Variants in SAMSN1 observed in about 807,000 individuals in gnomAD.
The protein encoded by SAMSN1 is SAM domain-containing protein SAMSN-1.
A neutral mutation model predicts 42.0 loss-of-function variants in SAMSN1; 31 were observed. The observed-to-expected ratio is 0.74, with a 90% CI of 0.55 to 1.00. The LOEUF (loss-of-function observed/expected upper bound fraction) is 1.00, where lower values mean the gene tolerates loss of function less well. Ranked by LOEUF, SAMSN1 falls within the 50% of genes least tolerant of loss-of-function variation. SAMSN1 has a pLI of 0.00. For missense variants in SAMSN1, 464 were observed against 439.4 expected (o/e 1.06, Z -0.50); for synonymous variants, 178 against 151.9 (o/e 1.17, Z -1.26).
intron 2 of SAMSN1, among the ~76,000 whole-genome samples, chr21:14,618,962 A>G (rs1285215606): frequency 6.6e-6 from 1 of 152,220 alleles, no homozygotes; most frequent in East Asian, 1.9e-4. Context: ...ATAAAAAATG[A>G]AATGTAGAAA....
intron 1 of SAMSN1, among the ~76,000 whole-genome samples, chr21:14,544,054 T>A (rs577410242): frequency 6.6e-6 from 1 of 152,152 alleles, no homozygotes; most frequent in African/African-American, 2.4e-5. Flanking sequence ...CCTCTGCCAA[T>A]TTTTTTTCTT....
At chr21:14,621,430 C>T (rs940924876) in intron 2 of SAMSN1, among the ~76,000 whole-genome samples, 7 of 152,258 alleles carry the variant, frequency 4.6e-5, no homozygotes, top group Non-Finnish European at 1.0e-4. Context: ...CCTGGAAAAT[C>T]GGGTCACTCC....
At chr21:14,490,615 C>T (rs1168470080) in intron 7 of SAMSN1, among the ~76,000 whole-genome samples, 1 of 152,120 alleles carries the variant, frequency 6.6e-6, no homozygotes, top group Non-Finnish European at 1.5e-5. Flanking sequence ...CTTTAATTCT[C>T]CTAATAACAG....
At position 14,581,344 on chromosome 21, in the gene SAMSN1, C is replaced by CTTTTTTTTTTTTTTTTTTTTTTTTTTT. The variant is rs56728511; in HGVS notation, c.261+765_261+791dup. On this transcript the variant is annotated intron_variant, in intron 2 of 8. Coordinates refer to the SAMSN1 transcript ENST00000285670. The stretch of plus-strand genomic sequence containing the variant: ...TGTAAAATGAGGGGAAATAATATTT[C>CTTTTTTTTTTTTTTTTTTTTTTTTTTT]TTTTTTTTTTTTTTTTTTTTTTTTT... Among the ~76,000 whole-genome samples the CTTTTTTTTTTTTTTTTTTTTTTTTTTT allele has an allele frequency of 1.5e-4, 5 of 32,592 alleles. 2 individuals are homozygous for CTTTTTTTTTTTTTTTTTTTTTTTTTTT. Among genetic ancestry groups the CTTTTTTTTTTTTTTTTTTTTTTTTTTT allele is most frequent in the Middle Eastern group, 0.05 (1 of 20 alleles). The allele number at this position is 32,592 out of a possible 152,430, so 21.4% of individuals were successfully genotyped here.
upstream of SAMSN1, among the ~76,000 whole-genome samples, chr21:14,584,804 A>C (rs1246729809): frequency 2.0e-5 from 3 of 152,222 alleles, no homozygotes. Context: ...TTAATGTTTG[A>C]ATGAGACATA....
intron 2 of SAMSN1, among the ~76,000 whole-genome samples, chr21:14,621,408 C>T (rs375886548): frequency 1.8e-4 from 27 of 152,236 alleles, no homozygotes; most frequent in East Asian, 5.8e-4. Flanking sequence ...AGGGAAGCTG[C>T]GACAGATGGC....
At chr21:14,517,450 C>A (rs183580639) in intron 2 of SAMSN1, among the ~76,000 whole-genome samples, 43 of 152,284 alleles carry the variant, frequency 2.8e-4, no homozygotes, top group African/African-American at 9.9e-4. Context: ...GCTGTAGCAT[C>A]TATCTGTGTT....
chr21:14,561,400 C>T (rs909688603), intron 2 of SAMSN1, among the ~76,000 whole-genome samples: 2 of 152,102 alleles, frequency 1.3e-5, no homozygotes, highest in Non-Finnish European at 2.9e-5. Context: ...TTCTCTACTG[C>T]AATGCCATAG....
intron 1 of SAMSN1, among the ~76,000 whole-genome samples, chr21:14,656,492 A>G (rs995937538): frequency 6.6e-6 from 1 of 151,848 alleles, no homozygotes; most frequent in African/African-American, 2.4e-5. Flanking sequence ...TGCAATAACT[A>G]TATGATGAGC....
intron 3 of SAMSN1, among the ~76,000 whole-genome samples, chr21:14,515,142 T>C (rs769688198): frequency 2.0e-5 from 3 of 151,904 alleles, no homozygotes; most frequent in Non-Finnish European, 4.4e-5. Flanking sequence ...TGAAAAGTAG[T>C]AAGGAGAAAG....
chr21:14,640,218 C>T (rs1484658930), intron 2 of SAMSN1, among the ~76,000 whole-genome samples: 3 of 152,034 alleles, frequency 2.0e-5, no homozygotes, highest in Non-Finnish European at 4.4e-5. Context: ...GCCAAGGATT[C>T]TTCTCTCATT....
intron 3 of SAMSN1, 26 bp downstream of exon 3, chr21:14,516,866 A>T: frequency 6.3e-7 from 1 of 1,576,682 alleles, no homozygotes; most frequent in Non-Finnish European, 8.6e-7. Flanking sequence ...GTAGAAAAAT[A>T]CAAATGATTA....
intron 1 of SAMSN1, among the ~76,000 whole-genome samples, chr21:14,542,659 T>C (rs1980118388): frequency 1.3e-5 from 2 of 152,114 alleles, no homozygotes; most frequent in Non-Finnish European, 2.9e-5. Flanking sequence ...AAACAGCCAG[T>C]TGTGGTTGCT....
chr21:14,505,194 C>CA (rs113937656), intron 5 of SAMSN1, among the ~76,000 whole-genome samples: 3,808 of 151,436 alleles, frequency 0.025, 164 homozygotes, highest in African/African-American at 0.087. Flanking sequence ...CACAAAAAAC[C>CA]AAAAAAAATG....
At chr21:14,499,481 C>T (rs1332670853) in intron 6 of SAMSN1, among the ~76,000 whole-genome samples, 1 of 69,758 alleles carries the variant, frequency 1.4e-5, no homozygotes, top group Admixed American at 1.9e-4. Context: ...TTATGACCAC[C>T]CCTTTTTAAC....
intron 6 of SAMSN1, among the ~76,000 whole-genome samples, chr21:14,499,929 G>A (rs925095708): frequency 2.6e-5 from 4 of 152,098 alleles, no homozygotes; most frequent in African/African-American, 9.7e-5. Flanking sequence ...ATTGATACTA[G>A]GTGTAGTGTA....
At chr21:14,529,622 T>C (rs1344644332) in intron 1 of SAMSN1, among the ~76,000 whole-genome samples, 2 of 152,202 alleles carry the variant, frequency 1.3e-5, no homozygotes, top group Non-Finnish European at 2.9e-5. Context: ...GAGAAATGTA[T>C]ACTATATTAG....
At chr21:14,580,028 C>T (rs1332350826) in intron 2 of SAMSN1, among the ~76,000 whole-genome samples, 1 of 152,036 alleles carries the variant, frequency 6.6e-6, no homozygotes, top group African/African-American at 2.4e-5. Context: ...AAGAATAATG[C>T]CCTCAAATAA....
At chr21:14,546,669 T>TAA (rs35353684), upstream of SAMSN1, among the ~76,000 whole-genome samples, 32 of 145,904 alleles carry the variant, frequency 2.2e-4, 5 homozygotes, top group Admixed American at 1.3e-3. Flanking sequence ...TTCTATTATT[T>TAA]AAAAAAAAAA....
Sources: gnomAD v4.1 joint callset for allele counts (sites outside exome capture counted in the v4.1 genomes callset) on GRCh38, gnomAD v4.1.1 for gene constraint, MANE v1.5 for transcripts, NCBI Gene and HGNC (gene_info 2026-07-23, HGNC 2026-07-21) for gene names.